The following LINGO1 variants were observed in gnomAD, a reference collection of about 807,000 sequenced individuals.
LINGO1 encodes leucine rich repeat and Ig domain containing 1.
Under a neutral mutation model 37.3 loss-of-function variants are expected in LINGO1, and 11 were observed. The ratio of observed to expected loss-of-function variants is 0.29; its 90% CI spans 0.19 to 0.49. The LOEUF (loss-of-function observed/expected upper bound fraction) is 0.49, where lower values mean the gene tolerates loss of function less well. Ranked by LOEUF, LINGO1 falls within the 20% of genes least tolerant of loss-of-function variation. The pLI, the probability that LINGO1 is intolerant of heterozygous loss-of-function variation, is 0.99. For missense variants in LINGO1, 585 were observed against 878.2 expected, an observed-to-expected ratio of 0.67 and a Z score of 4.22; for synonymous variants, 387 against 403.0, an observed-to-expected ratio of 0.96 and a Z score of 0.48.
At chr15:77,780,884 G>A (rs1456481941) in intron 1 of LINGO1, among the ~76,000 whole-genome samples, 1 of 151,940 alleles carries the variant, frequency 6.6e-6, no homozygotes, top group African/African-American at 2.4e-5. Flanking sequence ...CAGACTTCCA[G>A]CCTCCAGAAC....
At chr15:77,730,800 T>A (rs2076147360) in intron 2 of LINGO1, among the ~76,000 whole-genome samples, 1 of 152,178 alleles carries the variant, frequency 6.6e-6, no homozygotes, top group African/African-American at 2.4e-5. Context: ...CAGGTTAGAC[T>A]GAGGGGAGGT....
chr15:77,700,958 A>G (rs1281791544), upstream of LINGO1, among the ~76,000 whole-genome samples: 4 of 152,344 alleles, frequency 2.6e-5, no homozygotes, highest in East Asian at 5.8e-4. Context: ...GGAGGCCAGC[A>G]TCACCATGGA....
chr15:77,751,086 C>A (rs545501015), intron 1 of LINGO1, among the ~76,000 whole-genome samples: 2 of 152,248 alleles, frequency 1.3e-5, no homozygotes, highest in East Asian at 3.9e-4. Context: ...GTGTCCAGGG[C>A]GGGGCACAGA....
chr15:77,685,210 C>T (rs2075486424), intron 2 of LINGO1, among the ~76,000 whole-genome samples: 1 of 152,062 alleles, frequency 6.6e-6, no homozygotes, highest in Admixed American at 6.6e-5. Flanking sequence ...AGGAGCTGTG[C>T]CTCCAGCCCA....
rs77547129 is a variant in LINGO1 at position 77,718,714 on chromosome 15, C to T, written c.-195+16278G>A. ...AGACCCCTTAGTCACAACTGCGTGG[C>T]CTTGGTCACCATCATAACCCCCTGG... On this transcript the variant is annotated intron_variant, in intron 2 of 3. Transcript: ENST00000561686. Among the ~76,000 whole-genome samples the T allele has an allele frequency of 1.2e-3, 179 of 150,800 alleles. 5 individuals are homozygous for T. The highest frequency in any genetic ancestry group is 4.2e-3 in the African/African-American group (173 of 41,488).
intron 1 of LINGO1, among the ~76,000 whole-genome samples, chr15:77,629,811 C>T (rs193183427): frequency 6.6e-6 from 1 of 152,268 alleles, no homozygotes; most frequent in Admixed American, 6.5e-5. Context: ...ATGTGCAGAA[C>T]AAATGCATGC....
intron 2 of LINGO1, among the ~76,000 whole-genome samples, chr15:77,730,150 G>A (rs903152475): frequency 1.3e-5 from 2 of 152,064 alleles, no homozygotes; most frequent in East Asian, 1.9e-4. Flanking sequence ...TTGCACATAG[G>A]AGGAAGGCTC....
chr15:77,806,075 G>C (rs1262157810), intron 1 of LINGO1, among the ~76,000 whole-genome samples: 2 of 152,176 alleles, frequency 1.3e-5, no homozygotes, highest in Non-Finnish European at 2.9e-5. Context: ...CCATCCCGGA[G>C]AAATCAGTCC....
chr15:77,777,822 C>A (rs980729002), intron 1 of LINGO1, among the ~76,000 whole-genome samples: 2 of 152,022 alleles, frequency 1.3e-5, no homozygotes, highest in African/African-American at 2.4e-5. Context: ...ACTCAGGAGG[C>A]TGAGGTGAGA....
chr15:77,789,060 G>A (rs941367047), upstream of LINGO1, among the ~76,000 whole-genome samples: 13 of 152,112 alleles, frequency 8.5e-5, no homozygotes, highest in Non-Finnish European at 1.6e-4. Context: ...TGCACCCCAC[G>A]GCATGAGATG....
At chr15:77,625,211 G>A (rs2142552437) in intron 1 of LINGO1, among the ~76,000 whole-genome samples, 1 of 152,342 alleles carries the variant, frequency 6.6e-6, no homozygotes, top group South Asian at 2.1e-4. Flanking sequence ...GAGGCTGAGG[G>A]GTGTGGTGGA....
At chr15:77,669,994 T>C (rs994681001) in intron 3 of LINGO1, among the ~76,000 whole-genome samples, 3 of 152,158 alleles carry the variant, frequency 2.0e-5, no homozygotes, top group Admixed American at 2.0e-4. Flanking sequence ...AGCCATACGA[T>C]GGAATATCAT....
chr15:77,652,520 G>GTGTGTGTGTGTGTGTA (rs1471731142), intron 3 of LINGO1, among the ~76,000 whole-genome samples: 1 of 151,012 alleles, frequency 6.6e-6, no homozygotes, highest in East Asian at 1.9e-4. Context: ...GTGTGTGTGT[G>GTGTGTGTGTGTGTGTA]TGTGTGTGTG....
intron 2 of LINGO1, among the ~76,000 whole-genome samples, chr15:77,708,128 G>A (rs778056867): frequency 6.6e-6 from 1 of 152,136 alleles, no homozygotes; most frequent in Non-Finnish European, 1.5e-5. Context: ...TGAGGTGAAT[G>A]GGTTTATAGT....
chr15:77,704,991 C>T (rs1217869468), intron 2 of LINGO1, among the ~76,000 whole-genome samples: 4 of 152,064 alleles, frequency 2.6e-5, no homozygotes, highest in South Asian at 2.1e-4. Flanking sequence ...GGGAGGGTGG[C>T]CAGGCTCCCA....
At chr15:77,758,122 T>C (rs1024775052) in intron 1 of LINGO1, among the ~76,000 whole-genome samples, 1 of 151,976 alleles carries the variant, frequency 6.6e-6, no homozygotes, top group African/African-American at 2.4e-5. Context: ...GGTGGGAAGG[T>C]GAAGGATGGG....
chr15:77,713,358 G>A (rs1308744714), intron 2 of LINGO1, among the ~76,000 whole-genome samples: 1 of 151,894 alleles, frequency 6.6e-6, no homozygotes, highest in African/African-American at 2.4e-5. Context: ...GATTACAAGC[G>A]TGAGCCACTG....
intron 1 of LINGO1, among the ~76,000 whole-genome samples, chr15:77,757,640 G>A (rs2076433256): frequency 6.6e-6 from 1 of 152,106 alleles, no homozygotes. Flanking sequence ...CCAGAAAGAT[G>A]TCATTTCAAG....
At chr15:77,798,918 G>A (rs2076894851) in intron 1 of LINGO1, among the ~76,000 whole-genome samples, 1 of 150,080 alleles carries the variant, frequency 6.7e-6, no homozygotes, top group African/African-American at 2.4e-5. Context: ...TACACACTCA[G>A]CAAACACTGA....
Sources: gnomAD v4.1 joint callset for allele counts (sites outside exome capture counted in the v4.1 genomes callset) on GRCh38, gnomAD v4.1.1 for gene constraint, MANE v1.5 for transcripts, NCBI Gene and HGNC (gene_info 2026-07-23, HGNC 2026-07-21) for gene names.